The following CNTNAP2 variants were observed in gnomAD, a reference collection of about 807,000 sequenced individuals.
The protein encoded by CNTNAP2 is contactin associated protein 2.
A neutral mutation model predicts 155.2 loss-of-function variants in CNTNAP2; 98 were observed. The observed-to-expected ratio is 0.63, with a 90% CI of 0.54 to 0.75. The LOEUF (loss-of-function observed/expected upper bound fraction) is 0.75, where lower values mean the gene tolerates loss of function less well. CNTNAP2 is among the 30% of genes least tolerant of loss of function. CNTNAP2 has a pLI of 0.00. For missense variants in CNTNAP2, 1,727 were observed against 1,688.1 expected (o/e 1.02, Z -0.40); for synonymous variants, 651 against 631.2 (o/e 1.03, Z -0.47).
chr7:146,276,638 T>C (rs1359635878), intron 1 of CNTNAP2, among the ~76,000 whole-genome samples: 2 of 152,190 alleles, frequency 1.3e-5, no homozygotes, highest in Non-Finnish European at 1.5e-5. Flanking sequence ...GCTGAAGCCA[T>C]AGCCTGCCCT....
intron 18 of CNTNAP2, among the ~76,000 whole-genome samples, chr7:148,213,940 C>G (rs1385877322): frequency 6.6e-6 from 1 of 152,050 alleles, no homozygotes; most frequent in Non-Finnish European, 1.5e-5. Flanking sequence ...AAAAGAAGCA[C>G]GTGAAGTTTG....
At chr7:147,884,072 A>G in intron 13 of CNTNAP2, among the ~76,000 whole-genome samples, 1 of 152,216 alleles carries the variant, frequency 6.6e-6, no homozygotes, top group East Asian at 1.9e-4. Context: ...TGGCATTTGA[A>G]GAACATCTAA....
At chr7:146,548,747 A>G (rs1414139024) in intron 1 of CNTNAP2, among the ~76,000 whole-genome samples, 1 of 148,256 alleles carries the variant, frequency 6.7e-6, no homozygotes, top group Non-Finnish European at 1.5e-5. Context: ...ATATTTTGGA[A>G]ATTAATCCCT....
intron 1 of CNTNAP2, among the ~76,000 whole-genome samples, chr7:146,136,683 C>CG (rs1797802606): frequency 0.015 from 1 of 66 alleles, no homozygotes; most frequent in South Asian, 0.25. Context: ...GTAGGTGGGG[C>CG]CCCTAAGAAC....
At chr7:146,948,038 G>A (rs1797228262) in intron 3 of CNTNAP2, among the ~76,000 whole-genome samples, 1 of 151,950 alleles carries the variant, frequency 6.6e-6, no homozygotes, top group East Asian at 1.9e-4. Context: ...TACCTTTGTT[G>A]ATGTTAGTGT....
chr7:146,418,540 T>C (rs1188970449), intron 1 of CNTNAP2, among the ~76,000 whole-genome samples: 1 of 152,156 alleles, frequency 6.6e-6, no homozygotes, highest in African/African-American at 2.4e-5. Flanking sequence ...AAATACAAAG[T>C]TCTGCAACTT....
intron 9 of CNTNAP2, among the ~76,000 whole-genome samples, chr7:147,370,927 GGT>G (rs1226096420): frequency 6.6e-6 from 1 of 152,018 alleles, no homozygotes; most frequent in Non-Finnish European, 1.5e-5. Context: ...ACTTTAATAA[GGT>G]GTTTTTCTGG....
intron 1 of CNTNAP2, among the ~76,000 whole-genome samples, chr7:146,631,845 C>G (rs1327421764): frequency 6.6e-6 from 1 of 152,106 alleles, no homozygotes; most frequent in Admixed American, 6.6e-5. Flanking sequence ...TCAGTCAATA[C>G]TCTCTTTTGT....
At chr7:147,466,498 C>T (rs1227798732) in intron 10 of CNTNAP2, among the ~76,000 whole-genome samples, 1 of 152,068 alleles carries the variant, frequency 6.6e-6, no homozygotes, top group Admixed American at 6.5e-5. Context: ...TATGACTAAC[C>T]TTGGGGGATA....
In CNTNAP2 at chr7:148,332,807, G is replaced by A. The variant is rs758290831; in HGVS notation, c.3476-50842G>A. On this transcript the variant is annotated intron_variant, in intron 21 of 23. Coordinates refer to ENST00000361727, the MANE Select transcript of CNTNAP2 (RefSeq NM_014141.6). The stretch of plus-strand genomic sequence containing the variant: ...TTTGAACGATGCTTCAGGGCTCCAC[G>A]CTGGAAACGGGGAGGGTGGATGTAG... 4.6e-5 allele frequency among the ~76,000 whole-genome samples: 7 copies of A among 152,228 alleles called. No homozygotes were observed. The South Asian group carries it at 1.0e-3, about 23-fold the overall frequency.
chr7:146,547,508 C>G (rs1445239158), intron 1 of CNTNAP2, among the ~76,000 whole-genome samples: 3 of 151,928 alleles, frequency 2.0e-5, no homozygotes, highest in Non-Finnish European at 4.4e-5. Flanking sequence ...CTTCCCTCAG[C>G]TCCTGGAAAC....
chr7:146,246,737 G>A (rs1030381781), intron 1 of CNTNAP2, among the ~76,000 whole-genome samples: 9 of 152,142 alleles, frequency 5.9e-5, no homozygotes, highest in African/African-American at 9.7e-5. Flanking sequence ...AGGTGAGTTG[G>A]ACAGTCCGAT....
chr7:146,915,478 A>G (rs183746530), intron 3 of CNTNAP2, among the ~76,000 whole-genome samples: 76 of 152,208 alleles, frequency 5.0e-4, no homozygotes, highest in African/African-American at 1.7e-3. Flanking sequence ...TGTGTCATCT[A>G]TGATTTCTTT....
intron 9 of CNTNAP2, among the ~76,000 whole-genome samples, chr7:147,326,743 T>C (rs1430475961): frequency 6.6e-6 from 1 of 152,200 alleles, no homozygotes; most frequent in Non-Finnish European, 1.5e-5. Flanking sequence ...GCTCTTCTAG[T>C]GGGTGTGAAA....
At chr7:146,579,067 G>GA (rs1798568691) in intron 1 of CNTNAP2, among the ~76,000 whole-genome samples, 1 of 151,854 alleles carries the variant, frequency 6.6e-6, no homozygotes, top group Admixed American at 6.6e-5. Context: ...TTTTTGCTGG[G>GA]AAAAAAGGTC....
intron 14 of CNTNAP2, among the ~76,000 whole-genome samples, chr7:147,936,346 C>T (rs1800607526): frequency 6.7e-6 from 1 of 149,472 alleles, no homozygotes; most frequent in African/African-American, 2.5e-5. Flanking sequence ...TGGATCTTGA[C>T]CTATTATCAA....
At chr7:146,951,471 A>G (rs1202163317) in intron 3 of CNTNAP2, among the ~76,000 whole-genome samples, 2 of 152,096 alleles carry the variant, frequency 1.3e-5, no homozygotes, top group Non-Finnish European at 2.9e-5. Flanking sequence ...TAATTTTTGT[A>G]TAAGGTGTGA....
At chr7:146,311,607 C>CAAAAAAA (rs71175646) in intron 1 of CNTNAP2, 7 of 38,858 alleles carry the variant, frequency 1.8e-4, no homozygotes, top group Non-Finnish European at 2.4e-4. Flanking sequence ...CTTGTCTTTA[C>CAAAAAAA]AAAAAAAAAA....
At chr7:147,700,144 C>A (rs1254416290) in intron 13 of CNTNAP2, among the ~76,000 whole-genome samples, 2 of 152,050 alleles carry the variant, frequency 1.3e-5, no homozygotes, top group East Asian at 3.9e-4. Flanking sequence ...GAAATTTTTC[C>A]CTTCGAAGGC....
Sources: gnomAD v4.1 joint callset for allele counts (sites outside exome capture counted in the v4.1 genomes callset) on GRCh38, gnomAD v4.1.1 for gene constraint, MANE v1.5 for transcripts, NCBI Gene and HGNC (gene_info 2026-07-23, HGNC 2026-07-21) for gene names.